PYGB: variants seen among roughly 807,000 people sequenced by gnomAD.
The protein encoded by PYGB is glycogen phosphorylase, brain form.
A neutral mutation model predicts 94.3 loss-of-function variants in PYGB; 82 were observed. The ratio of observed to expected loss-of-function variants is 0.87; its 90% CI spans 0.73 to 1.04. PYGB has a LOEUF of 1.04. PYGB is among the 50% of genes least tolerant of loss of function. The pLI is 0.00. For missense variants in PYGB, 1,132 were observed against 1,158.2 expected, an observed-to-expected ratio of 0.98 and a Z score of 0.33; for synonymous variants, 488 against 479.1, an observed-to-expected ratio of 1.02 and a Z score of -0.24.
intron 11 of PYGB, among the ~76,000 whole-genome samples, chr20:25,281,472 C>T (rs2088366704): frequency 6.6e-6 from 1 of 152,224 alleles, no homozygotes; most frequent in African/African-American, 2.4e-5. Context: ...AGGTGGGATT[C>T]TTAGGTCAGA....
intron 2 of PYGB, among the ~76,000 whole-genome samples, chr20:25,268,746 C>T (rs1568687844): frequency 6.6e-6 from 1 of 152,210 alleles, no homozygotes; most frequent in African/African-American, 2.4e-5. Context: ...CATAACGTAT[C>T]TGTTTCACAA....
chr20:25,292,468 G>T lies in PYGB; in HGVS notation c.2032G>T (p.Gly678Cys), dbSNP rs763332957. 2.5e-6 allele frequency: 4 copies of T among 1,613,444 alleles called. No homozygotes were observed. The highest frequency in any genetic ancestry group is 2.5e-6 in the Non-Finnish European group (3 of 1,180,016). The change falls in exon 17 of 20, where the codon GGC (glycine) becomes TGC (cysteine). Residue 678 changes from glycine to cysteine, a missense_variant. Physicochemically the swap from Gly to Cys is radical, Grantham distance 159. Coordinates refer to ENST00000216962, the MANE Select transcript of PYGB (RefSeq NM_002862.4). ...STAGTEASGT[G>C]NMKFMLNGAL... ...TGCAGGCACCGAGGCCTCAGGCACA[G>T]GCAACATGAAGTTCATGCTCAACGG...
At chr20:25,276,365 A>G (rs6515626) in intron 5 of PYGB, among the ~76,000 whole-genome samples, 25,309 of 152,072 alleles carry the variant, frequency 0.17, 4,537 homozygotes, top group African/African-American at 0.46. Flanking sequence ...CTTCAGTCAA[A>G]GCCATTCCTG....
intron 2 of PYGB, among the ~76,000 whole-genome samples, chr20:25,266,028 A>G (rs557123839): frequency 6.6e-6 from 1 of 151,600 alleles, no homozygotes; most frequent in Non-Finnish European, 1.5e-5. Flanking sequence ...ATATTACTCT[A>G]TATATAAAGA....
At chr20:25,271,551 T>A in intron 4 of PYGB, 65 bp downstream of exon 4, 1 of 1,535,168 alleles carries the variant, frequency 6.5e-7, no homozygotes, top group Non-Finnish European at 9.0e-7. Flanking sequence ...TGGCAGCACT[T>A]GCAGTTTGTC....
At chr20:25,290,428 A>G (rs1389108688) in intron 15 of PYGB, 53 bp from the exon 16 acceptor site, 56 of 1,584,838 alleles carry the variant, frequency 3.5e-5, no homozygotes, top group East Asian at 4.5e-5. Flanking sequence ...GAGCGCCTCC[A>G]AGGGCCTGAA....
intron 1 of PYGB, among the ~76,000 whole-genome samples, chr20:25,258,736 C>T (rs1016602116): frequency 6.6e-6 from 1 of 152,266 alleles, no homozygotes. Context: ...AACATGGATG[C>T]ATCCATTCAG....
chr20:25,274,459 T>C, intron 4 of PYGB, 133 bp from the exon 5 acceptor site: 1 of 1,274,800 alleles, frequency 7.8e-7, no homozygotes, highest in East Asian at 2.6e-5. Context: ...AATCCCGACC[T>C]GGTAAGTGGC....
chr20:25,269,269 G>A (rs2123544485), intron 3 of PYGB, 62 bp downstream of exon 3: 1 of 1,394,906 alleles, frequency 7.2e-7, no homozygotes, highest in East Asian at 2.3e-5. Flanking sequence ...AGGCCACGTG[G>A]TGAGGCCAGG....
intron 4 of PYGB, among the ~76,000 whole-genome samples, chr20:25,273,011 A>G (rs1467354287): frequency 6.6e-6 from 1 of 152,208 alleles, no homozygotes; most frequent in Non-Finnish European, 1.5e-5. Flanking sequence ...ATGATCAGTA[A>G]GTGAAGCTCA....
chr20:25,257,354 C>A (rs2092904653), intron 1 of PYGB, among the ~76,000 whole-genome samples: 1 of 152,228 alleles, frequency 6.6e-6, no homozygotes, highest in African/African-American at 2.4e-5. Flanking sequence ...TGCATGCAAC[C>A]TGGACAATTG....
At chr20:25,263,665 A>C (rs1394443023) in intron 2 of PYGB, among the ~76,000 whole-genome samples, 1 of 152,256 alleles carries the variant, frequency 6.6e-6, no homozygotes, top group African/African-American at 2.4e-5. Flanking sequence ...CTATGCAAAT[A>C]AACTAGAAAA....
chr20:25,261,500 C>G (rs1419604746), intron 2 of PYGB, among the ~76,000 whole-genome samples: 4 of 152,202 alleles, frequency 2.6e-5, no homozygotes. Flanking sequence ...CATCAAAGAC[C>G]AAAGGTAGAT....
chr20:25,274,820 G>A (rs1216925246), intron 5 of PYGB, 97 bp downstream of exon 5: 4 of 1,497,200 alleles, frequency 2.7e-6, no homozygotes, highest in East Asian at 4.6e-5. Flanking sequence ...GGCTTGGGGG[G>A]CTTGCTGCCT....
chr20:25,278,907 C>A, intron 8 of PYGB, 150 bp from the exon 9 acceptor site: 1 of 715,912 alleles, frequency 1.4e-6, no homozygotes, highest in Middle Eastern at 3.2e-4. Context: ...CCTCCCTGCT[C>A]CCTCCACAGA....
chr20:25,275,318 C>G (rs2088301434), intron 5 of PYGB, among the ~76,000 whole-genome samples: 1 of 152,198 alleles, frequency 6.6e-6, no homozygotes, highest in South Asian at 2.1e-4. Flanking sequence ...GCGACGGGTG[C>G]CAGGCACGCA....
chr20:25,269,323 G>T (rs1299905888), intron 3 of PYGB, 116 bp downstream of exon 3: 25 of 721,386 alleles, frequency 3.5e-5, no homozygotes, highest in Non-Finnish European at 5.7e-5. Context: ...TGAGTGGATG[G>T]GCCAGTGTGT....
At chr20:25,259,140 C>T in intron 1 of PYGB, 97 bp from the exon 2 acceptor site, 4 of 1,092,134 alleles carry the variant, frequency 3.7e-6, no homozygotes, top group South Asian at 2.9e-5. Context: ...AATGAAATCC[C>T]GAGTGGGGGC....
intron 6 of PYGB, among the ~76,000 whole-genome samples, 153 bp from the exon 7 acceptor site, chr20:25,277,091 C>T (rs1411774968): frequency 6.6e-6 from 1 of 152,024 alleles, no homozygotes; most frequent in Non-Finnish European, 1.5e-5. Flanking sequence ...TCACGTTTAC[C>T]TCCAGGGATG....
Sources: gnomAD v4.1 joint callset for allele counts (sites outside exome capture counted in the v4.1 genomes callset) on GRCh38, gnomAD v4.1.1 for gene constraint, MANE v1.5 for transcripts, NCBI Gene and HGNC (gene_info 2026-07-23, HGNC 2026-07-21) for gene names.